Variants in ARHGAP25 observed in about 807,000 individuals in gnomAD.
ARHGAP25 encodes Rho GTPase activating protein 25.
ARHGAP25 carries 34 observed loss-of-function variants against 71.0 expected under a neutral mutation model. That is an observed-to-expected ratio of 0.48 (90% CI 0.36 to 0.64). ARHGAP25 has a LOEUF of 0.64. Ranked by LOEUF, ARHGAP25 falls within the 30% of genes least tolerant of loss-of-function variation. The probability of loss-of-function intolerance (pLI) is 0.00; values close to 1 mark genes in which losing one functional copy is unlikely to be tolerated. For missense variants in ARHGAP25, 706 were observed against 805.1 expected, an observed-to-expected ratio of 0.88 and a Z score of 1.49; for synonymous variants, 282 against 296.5, an observed-to-expected ratio of 0.95 and a Z score of 0.50.
At chr2:68,792,223 G>C (rs1274877837) in intron 4 of ARHGAP25, among the ~76,000 whole-genome samples, 1 of 152,130 alleles carries the variant, frequency 6.6e-6, no homozygotes, top group African/African-American at 2.4e-5. Flanking sequence ...ACCCAACCCA[G>C]TTTTAAAGTC....
intron 1 of ARHGAP25, among the ~76,000 whole-genome samples, chr2:68,751,714 G>T (rs1676186916): frequency 6.6e-6 from 1 of 152,222 alleles, no homozygotes; most frequent in African/African-American, 2.4e-5. Context: ...ATCTCACAAA[G>T]GTTAAAACCA....
intron 7 of ARHGAP25, chr2:68,816,596 C>A: frequency 1.9e-6 from 1 of 515,566 alleles, no homozygotes; most frequent in Non-Finnish European, 3.5e-6. Flanking sequence ...TCAGCACTGC[C>A]CAGAGTCCTG....
At position 68,819,116 on chromosome 2, in the gene ARHGAP25, C is replaced by T; in HGVS notation, c.1004-7C>T. 2.0e-6 allele frequency: 3 copies of T among 1,534,384 alleles called. No individual in the cohort carries two copies. Among genetic ancestry groups the T allele is most frequent in the Admixed American group, 2.1e-5 (1 of 47,614 alleles). ...TACACAACAGATCTTTTTCTTCTGT[C>T]TTTCAGGGACTCCTCAGATCCAAAG... is the stretch of plus-strand genomic sequence containing the variant. On this transcript the variant is annotated splice_polypyrimidine_tract_variant and splice_region_variant and intron_variant, in intron 8 of 10. Coordinates refer to ENST00000409202, the MANE Select transcript of ARHGAP25 (RefSeq NM_001007231.3).
chr2:68,819,902 C>T (rs1681519856), intron 9 of ARHGAP25, among the ~76,000 whole-genome samples: 1 of 152,084 alleles, frequency 6.6e-6, no homozygotes, highest in Non-Finnish European at 1.5e-5. Flanking sequence ...TTACAAAGGT[C>T]AAATATTTTT....
intron 1 of ARHGAP25, among the ~76,000 whole-genome samples, chr2:68,746,384 T>C (rs1675813469): frequency 6.6e-6 from 1 of 152,156 alleles, no homozygotes; most frequent in Non-Finnish European, 1.5e-5. Context: ...CTTTTCTTGC[T>C]CCATCTGTAC....
chr2:68,795,587 G>T (rs1290870980), intron 4 of ARHGAP25, among the ~76,000 whole-genome samples: 1 of 152,062 alleles, frequency 6.6e-6, no homozygotes, highest in African/African-American at 2.4e-5. Flanking sequence ...AGTTCCTCTT[G>T]GTATTGATTT....
intron 2 of ARHGAP25, among the ~76,000 whole-genome samples, chr2:68,727,908 T>C (rs72893945): frequency 0.11 from 16,975 of 152,258 alleles, 1,243 homozygotes; most frequent in East Asian, 0.33. Context: ...CCTAGAAAGA[T>C]GTGACTGCCT....
chr2:68,808,772 G>C (rs1052653520), intron 5 of ARHGAP25, among the ~76,000 whole-genome samples: 9 of 152,206 alleles, frequency 5.9e-5, no homozygotes, highest in Non-Finnish European at 1.3e-4. Flanking sequence ...GTTGTTGCTA[G>C]AGCAATGCCA....
At chr2:68,755,392 CA>C (rs1676415813) in intron 1 of ARHGAP25, among the ~76,000 whole-genome samples, 1 of 151,934 alleles carries the variant, frequency 6.6e-6, no homozygotes, top group African/African-American at 2.4e-5. Context: ...TTGTAATGAC[CA>C]GTGCTATTTT....
chr2:68,721,790 C>A (rs1674768572), intron 2 of ARHGAP25, among the ~76,000 whole-genome samples: 1 of 152,208 alleles, frequency 6.6e-6, no homozygotes, highest in Non-Finnish European at 1.5e-5. Flanking sequence ...CTCACAGAAA[C>A]CTAAGGTCGA....
intron 2 of ARHGAP25, among the ~76,000 whole-genome samples, chr2:68,781,791 T>A (rs1023869846): frequency 6.6e-6 from 1 of 152,048 alleles, no homozygotes; most frequent in Non-Finnish European, 1.5e-5. Flanking sequence ...TGCGAGCACC[T>A]TCTACTCAAT....
In ARHGAP25 at chr2:68,740,916, G is replaced by A. The variant is rs372015356; in HGVS notation, c.61+5656G>A. On this transcript the variant is annotated intron_variant, in intron 1 of 10. Coordinates refer to ENST00000409202, the MANE Select transcript of ARHGAP25 (RefSeq NM_001007231.3). ...TAAAAATTGTGAAAGAAAGGAGGAC[G>A]TGTGATATAGGAAAGTGTGCATGAG... 1.2e-4 allele frequency among the ~76,000 whole-genome samples: 18 copies of A among 152,354 alleles called. 1 individual carries two copies. The South Asian group carries it at 3.3e-3, about 28-fold the overall frequency.
intron 2 of ARHGAP25, among the ~76,000 whole-genome samples, chr2:68,721,557 C>G (rs1207104700): frequency 6.6e-6 from 1 of 152,208 alleles, no homozygotes; most frequent in Non-Finnish European, 1.5e-5. Context: ...TACAGGTTCC[C>G]ACCAGCTCCT....
intron 1 of ARHGAP25, among the ~76,000 whole-genome samples, chr2:68,765,919 G>A (rs1677096508): frequency 6.6e-6 from 1 of 152,190 alleles, no homozygotes; most frequent in African/African-American, 2.4e-5. Flanking sequence ...ACGTCTGTTA[G>A]GCTGTAATGG....
At chr2:68,814,612 A>AT (rs1430485126) in intron 6 of ARHGAP25, among the ~76,000 whole-genome samples, 1 of 152,202 alleles carries the variant, frequency 6.6e-6, no homozygotes, top group African/African-American at 2.4e-5. Flanking sequence ...TTCAAAATTT[A>AT]TTAGATAGTC....
At chr2:68,741,427 C>G (rs1573405461) in intron 1 of ARHGAP25, among the ~76,000 whole-genome samples, 1 of 152,208 alleles carries the variant, frequency 6.6e-6, no homozygotes. Flanking sequence ...GTGTTCTCCT[C>G]TTTGTCTTGG....
chr2:68,748,325 C>T (rs986860809), intron 1 of ARHGAP25, among the ~76,000 whole-genome samples: 14 of 152,238 alleles, frequency 9.2e-5, no homozygotes, highest in African/African-American at 3.4e-4. Flanking sequence ...AGAGGTCTTT[C>T]CTGACCCTAG....
At chr2:68,757,012 AC>A (rs1256250602) in intron 1 of ARHGAP25, among the ~76,000 whole-genome samples, 2 of 152,324 alleles carry the variant, frequency 1.3e-5, no homozygotes. Flanking sequence ...GCTGAAAAGT[AC>A]AATAACTGAA....
intron 1 of ARHGAP25, among the ~76,000 whole-genome samples, chr2:68,764,424 T>C (rs1677005986): frequency 6.6e-6 from 1 of 152,218 alleles, no homozygotes; most frequent in Non-Finnish European, 1.5e-5. Flanking sequence ...TATGTGTAAC[T>C]TTTTAAGACG....
Sources: gnomAD v4.1 joint callset for allele counts (sites outside exome capture counted in the v4.1 genomes callset) on GRCh38, gnomAD v4.1.1 for gene constraint, MANE v1.5 for transcripts, NCBI Gene and HGNC (gene_info 2026-07-23, HGNC 2026-07-21) for gene names.